The following MCPH1 variants were observed in gnomAD, a reference collection of about 807,000 sequenced individuals.
MCPH1 encodes microcephalin.
Under a neutral mutation model 84.5 loss-of-function variants are expected in MCPH1, and 104 were observed. The ratio of observed to expected loss-of-function variants is 1.23; its 90% confidence interval spans 1.05 to 1.45. The LOEUF (loss-of-function observed/expected upper bound fraction) is 1.45, where lower values mean the gene tolerates loss of function less well. Among genes scored for constraint, MCPH1 ranks in the 40% most tolerant of loss-of-function variants. The pLI is 0.00. For synonymous variants in MCPH1, 514 were observed against 366.8 expected (o/e 1.40, Z -4.58); for missense variants, 1,498 against 1,005.7 (o/e 1.49, Z -6.62).
chr8:6,496,146 A>G (rs7828567), intron 11 of MCPH1, among the ~76,000 whole-genome samples: 11,638 of 152,168 alleles, frequency 0.076, 807 homozygotes, highest in East Asian at 0.22. Context: ...GGGAGCCCTG[A>G]GCTTGTTTTC....
At chr8:6,458,709 A>G (rs2129557212) in intron 9 of MCPH1, among the ~76,000 whole-genome samples, 1 of 152,186 alleles carries the variant, frequency 6.6e-6, no homozygotes, top group South Asian at 2.1e-4. Flanking sequence ...TACTGGTGTT[A>G]TCTCGGCTCA....
At chr8:6,475,376 A>T (rs1389483732) in intron 9 of MCPH1, among the ~76,000 whole-genome samples, 2 of 152,226 alleles carry the variant, frequency 1.3e-5, no homozygotes, top group Admixed American at 6.5e-5. Flanking sequence ...AGATGTGCTT[A>T]TCCTGGCAGA....
Position 6,429,760 on chromosome 8 carries a change from A to G in MCPH1, c.234-1739A>G, listed in dbSNP as rs181018116. 1.3e-3 allele frequency among the ~76,000 whole-genome samples: 192 copies of G among 150,060 alleles called. 1 individual carries two copies. Among genetic ancestry groups the G allele is most frequent in the African/African-American group, 4.5e-3 (179 of 39,630 alleles). On this transcript the variant is annotated intron_variant, in intron 3 of 13. Coordinates refer to ENST00000344683, the MANE Select transcript of MCPH1 (RefSeq NM_024596.5). ...TTCCCCCTCCCCATCTTAGTCCCCA[A>G]CTGCCTTTGCTGAATCTTTAGCGTC...
chr8:6,445,872 T>G, intron 8 of MCPH1: 1 of 1,066,728 alleles, frequency 9.4e-7, no homozygotes. Context: ...CATTGGAGTC[T>G]TGGCGCTGCA....
intron 8 of MCPH1, among the ~76,000 whole-genome samples, chr8:6,452,194 C>A (rs925431651): frequency 6.6e-6 from 1 of 152,164 alleles, no homozygotes; most frequent in East Asian, 1.9e-4. Context: ...TCATTTTCTT[C>A]TCTTTTCCCT....
chr8:6,630,132 TAA>T (rs1797049016), intron 13 of MCPH1, among the ~76,000 whole-genome samples: 1 of 151,980 alleles, frequency 6.6e-6, no homozygotes, highest in Admixed American at 6.5e-5. Flanking sequence ...AGGAAAGAAA[TAA>T]AAGAGGCAAT....
chr8:6,502,405 A>C (rs1481243206), intron 12 of MCPH1: 2 of 152,246 alleles, frequency 1.3e-5, no homozygotes, highest in African/African-American at 4.8e-5. Flanking sequence ...TTCTGTTGAT[A>C]ATTTCAGAGA....
chr8:6,602,751 C>G (rs1419951607), intron 12 of MCPH1, among the ~76,000 whole-genome samples: 5 of 152,078 alleles, frequency 3.3e-5, no homozygotes, highest in Non-Finnish European at 5.9e-5. Context: ...TGGCCCAACT[C>G]TGCATATTTT....
intron 12 of MCPH1, among the ~76,000 whole-genome samples, chr8:6,611,726 C>G (rs1046920615): frequency 2.0e-5 from 3 of 152,212 alleles, no homozygotes; most frequent in Non-Finnish European, 4.4e-5. Flanking sequence ...TCTCGCCATT[C>G]TCCTGCCTCA....
intron 12 of MCPH1, among the ~76,000 whole-genome samples, chr8:6,546,175 G>C (rs80345893): frequency 0.026 from 3,936 of 152,346 alleles, 95 homozygotes; most frequent in East Asian, 0.098. Flanking sequence ...GAATGAGTTA[G>C]CACAATTCCC....
intron 13 of MCPH1, among the ~76,000 whole-genome samples, chr8:6,631,880 G>A (rs115777631): frequency 6.6e-6 from 1 of 152,168 alleles, no homozygotes; most frequent in Non-Finnish European, 1.5e-5. Context: ...AAGAATAATT[G>A]TACATCCACA....
At chr8:6,407,024 C>T (rs1230614479) in intron 1 of MCPH1, 4 of 382,616 alleles carry the variant, frequency 1.0e-5, no homozygotes, top group African/African-American at 7.2e-5. Flanking sequence ...CCTCAATCCC[C>T]CGCTGCCTGC....
At chr8:6,612,512 T>C (rs1029808488) in intron 12 of MCPH1, among the ~76,000 whole-genome samples, 1 of 152,196 alleles carries the variant, frequency 6.6e-6, no homozygotes, top group Non-Finnish European at 1.5e-5. Context: ...CCCGTGCTCT[T>C]CAGCACCGGT....
rs773617173 is a variant in MCPH1 at position 6,646,393 on chromosome 8, T to C, written c.*3344T>C. 11 of 152,296 alleles carry C rather than the reference T, an allele frequency of 7.2e-5. No homozygotes were observed. Among genetic ancestry groups the C allele is most frequent in the Admixed American group, 2.0e-4 (3 of 15,306 alleles). The allele number at this position is 152,296 out of a possible 1,614,324, so 9.4% of individuals were successfully genotyped here. ...CAACAACAAGAACAAAAGTATCACA[T>C]TGGCATAAGAATAGACATGTAAATC... On this transcript the variant is annotated 3_prime_UTR_variant, in exon 14 of 14. Coordinates refer to ENST00000344683, the MANE Select transcript of MCPH1 (RefSeq NM_024596.5).
intron 3 of MCPH1, among the ~76,000 whole-genome samples, chr8:6,422,802 C>A (rs1439784337): frequency 6.6e-6 from 1 of 152,156 alleles, no homozygotes; most frequent in Non-Finnish European, 1.5e-5. Flanking sequence ...CATTCTCCTG[C>A]CTCAGCCTCC....
intron 12 of MCPH1, among the ~76,000 whole-genome samples, chr8:6,536,986 A>G (rs1335841325): frequency 2.6e-5 from 4 of 151,726 alleles, no homozygotes; most frequent in Admixed American, 6.6e-5. Context: ...AAAAAAAAAA[A>G]AAAACCAACC....
intron 12 of MCPH1, among the ~76,000 whole-genome samples, chr8:6,539,820 C>G (rs1041957604): frequency 6.6e-6 from 1 of 152,220 alleles, no homozygotes; most frequent in African/African-American, 2.4e-5. Flanking sequence ...CTCCTGACAT[C>G]AGGCCATCTG....
At chr8:6,558,516 C>T (rs530586651) in intron 12 of MCPH1, among the ~76,000 whole-genome samples, 2 of 152,322 alleles carry the variant, frequency 1.3e-5, no homozygotes, top group South Asian at 4.1e-4. Context: ...AGACCATTAT[C>T]CTTCTCAAGT....
chr8:6,461,560 G>A (rs1333981823), intron 9 of MCPH1, among the ~76,000 whole-genome samples: 1 of 150,254 alleles, frequency 6.7e-6, no homozygotes, highest in African/African-American at 2.5e-5. Flanking sequence ...GGCTGGTTTT[G>A]AACTCCTGAC....
Sources: allele counts gnomAD v4.1 joint callset (sites outside exome capture counted in the v4.1 genomes callset), GRCh38; gene constraint gnomAD v4.1.1; transcripts MANE v1.5; gene names NCBI Gene and HGNC (gene_info 2026-07-23, HGNC 2026-07-21).